Variants in SGCZ observed in about 807,000 individuals in gnomAD.
SGCZ encodes the protein sarcoglycan zeta, also known as zeta-sarcoglycan.
In SGCZ, 40 loss-of-function variants were observed where a neutral mutation model predicts 41.3. The observed-to-expected ratio is 0.97, with a 90% CI of 0.75 to 1.26. The LOEUF is 1.26. Ranked by LOEUF, SGCZ falls within the 50% of genes most tolerant of loss-of-function variation. SGCZ has a pLI of 0.00. For synonymous variants in SGCZ, 206 were observed against 137.5 expected (o/e 1.50, Z -3.49); for missense variants, 552 against 369.8 (o/e 1.49, Z -4.04).
At chr8:14,703,846 C>G (rs1809246453) in intron 1 of SGCZ, among the ~76,000 whole-genome samples, 1 of 151,852 alleles carries the variant, frequency 6.6e-6, no homozygotes, top group African/African-American at 2.4e-5. Flanking sequence ...ACGACTCATG[C>G]CAGTTATAGA....
intron 2 of SGCZ, among the ~76,000 whole-genome samples, chr8:14,508,722 G>A (rs1802380967): frequency 6.6e-6 from 1 of 152,268 alleles, no homozygotes; most frequent in Admixed American, 6.5e-5. Context: ...CAGTAGCAAC[G>A]TTGGTTGTCA....
chr8:15,226,121 T>C (rs1801763660), intron 1 of SGCZ, among the ~76,000 whole-genome samples: 1 of 152,184 alleles, frequency 6.6e-6, no homozygotes, highest in Non-Finnish European at 1.5e-5. Flanking sequence ...CATTGAGTAC[T>C]AATATGCAGC....
At chr8:15,093,477 A>G (rs1012650337) in intron 1 of SGCZ, among the ~76,000 whole-genome samples, 1 of 152,200 alleles carries the variant, frequency 6.6e-6, no homozygotes, top group Non-Finnish European at 1.5e-5. Context: ...TAGTATAATC[A>G]GCATAACAGT....
intron 1 of SGCZ, among the ~76,000 whole-genome samples, chr8:15,141,922 G>C (rs1041388889): frequency 6.6e-6 from 1 of 151,458 alleles, no homozygotes; most frequent in Non-Finnish European, 1.5e-5. Flanking sequence ...AAAAAAATGA[G>C]AACCTCAGTG....
intron 1 of SGCZ, among the ~76,000 whole-genome samples, chr8:14,601,027 TTATAA>T (rs200225848): frequency 3.9e-4 from 58 of 150,224 alleles, no homozygotes; most frequent in African/African-American, 1.3e-3. Context: ...TTTATGCATT[TTATAA>T]TATATTTTAT....
At chr8:14,335,351 T>A (rs1802472559) in intron 2 of SGCZ, among the ~76,000 whole-genome samples, 1 of 152,142 alleles carries the variant, frequency 6.6e-6, no homozygotes, top group African/African-American at 2.4e-5. Context: ...AAGGGTGCTG[T>A]AGATTTCTAT....
chr8:14,184,026 A>C (rs2117030069), intron 4 of SGCZ, among the ~76,000 whole-genome samples: 1 of 152,290 alleles, frequency 6.6e-6, no homozygotes, highest in Admixed American at 6.5e-5. Context: ...TTATATTAGA[A>C]AACGAAAGGT....
At chr8:14,322,440 A>G (rs768568245) in intron 3 of SGCZ, among the ~76,000 whole-genome samples, 26 of 152,084 alleles carry the variant, frequency 1.7e-4, no homozygotes, top group Non-Finnish European at 3.7e-4. Flanking sequence ...TTAATGCTAT[A>G]ATGTTAGTGG....
At chr8:14,179,789 G>A (rs567871398) in intron 4 of SGCZ, among the ~76,000 whole-genome samples, 2 of 152,146 alleles carry the variant, frequency 1.3e-5, no homozygotes, top group African/African-American at 4.8e-5. Flanking sequence ...ACTAACTCCA[G>A]GTATTCCTAT....
chr8:14,706,175 T>A (rs186489003), intron 1 of SGCZ, among the ~76,000 whole-genome samples: 1 of 152,010 alleles, frequency 6.6e-6, no homozygotes, highest in South Asian at 2.1e-4. Flanking sequence ...GAATATATCA[T>A]GTATCATCAT....
intron 1 of SGCZ, among the ~76,000 whole-genome samples, chr8:14,820,129 G>A (rs1339600623): frequency 6.6e-6 from 1 of 151,972 alleles, no homozygotes; most frequent in Non-Finnish European, 1.5e-5. Context: ...TACATAGCAT[G>A]CAAGAGACTC....
chr8:14,476,622 T>C (rs569285561), intron 2 of SGCZ, among the ~76,000 whole-genome samples: 3 of 152,306 alleles, frequency 2.0e-5, no homozygotes, highest in East Asian at 3.9e-4. Context: ...ATAAGATTAA[T>C]GATTCATTTA....
At chr8:14,627,999 A>G (rs1177234205) in intron 1 of SGCZ, among the ~76,000 whole-genome samples, 1 of 152,114 alleles carries the variant, frequency 6.6e-6, no homozygotes, top group African/African-American at 2.4e-5. Context: ...ACACATCACT[A>G]TGTCCCAGTT....
chr8:14,546,260 T>A (rs1803623652), intron 2 of SGCZ, among the ~76,000 whole-genome samples: 1 of 152,094 alleles, frequency 6.6e-6, no homozygotes, highest in South Asian at 2.1e-4. Flanking sequence ...CTGTCTCATC[T>A]CCAGGGCAAG....
intron 5 of SGCZ, among the ~76,000 whole-genome samples, chr8:14,120,067 C>G (rs1320281254): frequency 4.0e-5 from 6 of 151,742 alleles, no homozygotes; most frequent in Admixed American, 2.6e-4. Flanking sequence ...CAGAATTACA[C>G]AAGAAAGAAA....
At chr8:15,011,681 A>G (rs1433212245) in intron 1 of SGCZ, among the ~76,000 whole-genome samples, 1 of 152,134 alleles carries the variant, frequency 6.6e-6, no homozygotes, top group Non-Finnish European at 1.5e-5. Context: ...TCCCCACAAA[A>G]GGTATCATTG....
chr8:14,702,827 A>AGATAGATAGACAGAT (rs1809194881), intron 1 of SGCZ, among the ~76,000 whole-genome samples: 1 of 51,104 alleles, frequency 2.0e-5, no homozygotes, highest in Non-Finnish European at 5.3e-5. Flanking sequence ...ATAGATAGAT[A>AGATAGATAGACAGAT]GATAGATAGA....
intron 1 of SGCZ, among the ~76,000 whole-genome samples, chr8:14,668,404 A>G (rs771168336): frequency 3.3e-5 from 5 of 152,230 alleles, no homozygotes; most frequent in Non-Finnish European, 7.3e-5. Flanking sequence ...TTAAAAAAAT[A>G]AGACCTCAGG....
At chr8:14,156,366 C>A (rs1010680273) in intron 5 of SGCZ, among the ~76,000 whole-genome samples, 2 of 151,876 alleles carry the variant, frequency 1.3e-5, no homozygotes, top group Non-Finnish European at 1.5e-5. Flanking sequence ...GAGGCTGAGG[C>A]GGGAGAATGG....
Sources: gnomAD v4.1 joint callset for allele counts (sites outside exome capture counted in the v4.1 genomes callset) on GRCh38, gnomAD v4.1.1 for gene constraint, MANE v1.5 for transcripts, NCBI Gene and HGNC (gene_info 2026-07-23, HGNC 2026-07-21) for gene names.